Variants in DAB1 observed in about 807,000 individuals in gnomAD.
The protein encoded by DAB1 is disabled homolog 1.
Under a neutral mutation model 64.6 loss-of-function variants are expected in DAB1, and 15 were observed. The observed-to-expected ratio is 0.23, with a 90% CI of 0.16 to 0.36. DAB1 has a LOEUF of 0.36. Among genes scored for constraint, DAB1 ranks in the 10% least tolerant of loss-of-function variants. The pLI, the probability that DAB1 is intolerant of heterozygous loss-of-function variation, is 1.00. For synonymous variants in DAB1, 235 were observed against 251.9 expected (o/e 0.93, Z 0.64); for missense variants, 596 against 706.7 (o/e 0.84, Z 1.78).
At chr1:57,107,238 G>GT (rs1452055152) in intron 4 of DAB1, among the ~76,000 whole-genome samples, 1 of 152,084 alleles carries the variant, frequency 6.6e-6, no homozygotes, top group African/African-American at 2.4e-5. Context: ...AGCTGGGCAT[G>GT]TTGGTGGATG....
intron 2 of DAB1, among the ~76,000 whole-genome samples, chr1:58,510,550 C>T (rs151143020): frequency 4.6e-5 from 7 of 152,194 alleles, no homozygotes; most frequent in African/African-American, 1.4e-4. Context: ...ATTTTTTCCT[C>T]TAAGTCTAGG....
At chr1:57,958,523 T>C (rs1199916666) in intron 5 of DAB1, among the ~76,000 whole-genome samples, 1 of 152,204 alleles carries the variant, frequency 6.6e-6, no homozygotes, top group Non-Finnish European at 1.5e-5. Context: ...CCATCTCACC[T>C]ACCTCTTGAG....
intron 7 of DAB1, among the ~76,000 whole-genome samples, chr1:57,450,735 T>A (rs956495079): frequency 3.3e-5 from 5 of 152,224 alleles, no homozygotes; most frequent in African/African-American, 1.2e-4. Flanking sequence ...TCTTTGTTGA[T>A]CCAATTTCAA....
intron 6 of DAB1, among the ~76,000 whole-genome samples, chr1:57,793,603 G>C (rs1275731366): frequency 6.6e-6 from 1 of 152,128 alleles, no homozygotes; most frequent in African/African-American, 2.4e-5. Context: ...GGCAAGTGTA[G>C]CATGCTGGTT....
chr1:57,896,069 G>A (rs1644387032), intron 5 of DAB1, among the ~76,000 whole-genome samples: 1 of 152,186 alleles, frequency 6.6e-6, no homozygotes, highest in Non-Finnish European at 1.5e-5. Flanking sequence ...CAAGGAAAGT[G>A]CCTGGCACAC....
chr1:58,091,838 T>C (rs1374053268), intron 5 of DAB1, among the ~76,000 whole-genome samples: 1 of 151,796 alleles, frequency 6.6e-6, no homozygotes, highest in Non-Finnish European at 1.5e-5. Context: ...CTTACAGTCA[T>C]CCCTCTCCTC....
intron 1 of DAB1, among the ~76,000 whole-genome samples, chr1:57,296,035 C>T (rs946059012): frequency 4.6e-5 from 7 of 152,112 alleles, no homozygotes; most frequent in African/African-American, 1.7e-4. Flanking sequence ...GCAAGAGCAG[C>T]AGCAAGCAAA....
intron 2 of DAB1, among the ~76,000 whole-genome samples, chr1:58,514,676 CA>C (rs1389274921): frequency 4.6e-5 from 7 of 152,112 alleles, no homozygotes; most frequent in Non-Finnish European, 8.8e-5. Flanking sequence ...AGGATTGTGG[CA>C]GGGGGAGCTG....
At chr1:57,518,822 C>T (rs1644492688) in intron 7 of DAB1, among the ~76,000 whole-genome samples, 1 of 152,198 alleles carries the variant, frequency 6.6e-6, no homozygotes, top group African/African-American at 2.4e-5. Context: ...CCTGCCTGCT[C>T]TTTCCAGAAA....
At chr1:58,465,057 C>T (rs1229938019) in intron 3 of DAB1, among the ~76,000 whole-genome samples, 4 of 152,246 alleles carry the variant, frequency 2.6e-5, no homozygotes, top group African/African-American at 9.6e-5. Context: ...CTTCTGCACA[C>T]ATTCTCAGCC....
intron 1 of DAB1, among the ~76,000 whole-genome samples, chr1:57,418,953 T>C (rs1005669719): frequency 6.6e-6 from 1 of 152,154 alleles, no homozygotes; most frequent in Admixed American, 6.5e-5. Context: ...GAGGGAAATA[T>C]CCAGGTGATT....
intron 7 of DAB1, among the ~76,000 whole-genome samples, chr1:57,564,841 A>C (rs1282393645): frequency 6.6e-6 from 1 of 152,250 alleles, no homozygotes; most frequent in Non-Finnish European, 1.5e-5. Context: ...CCAAGTTGGA[A>C]AACACTCTAC....
At chr1:57,901,190 C>G (rs1644468294) in intron 5 of DAB1, among the ~76,000 whole-genome samples, 1 of 152,126 alleles carries the variant, frequency 6.6e-6, no homozygotes, top group Admixed American at 6.5e-5. Flanking sequence ...AATGACCTTC[C>G]TTCTTGCTTT....
chr1:57,616,295 C>T (rs529795659), intron 7 of DAB1, among the ~76,000 whole-genome samples: 80 of 152,160 alleles, frequency 5.3e-4, no homozygotes, highest in Non-Finnish European at 1.0e-3. Context: ...GTTACCTTCT[C>T]GAGAAGTCTT....
chr1:58,353,855 T>C (rs1371227708), intron 3 of DAB1, among the ~76,000 whole-genome samples: 2 of 152,166 alleles, frequency 1.3e-5, no homozygotes, highest in African/African-American at 4.8e-5. Context: ...TTTAGTTAAG[T>C]AAATTGTCAC....
chr1:57,053,668 A>ATG (rs1557635084), intron 9 of DAB1, among the ~76,000 whole-genome samples: 1 of 77,890 alleles, frequency 1.3e-5, no homozygotes, highest in African/African-American at 5.3e-5. Flanking sequence ...CTCTATATGT[A>ATG]TATATATATA....
In DAB1 at chr1:58,512,745, A is replaced by T. The variant is rs1646100075; in HGVS notation, n.108-6536T>A. 2.6e-5 allele frequency among the ~76,000 whole-genome samples: 4 copies of T among 152,242 alleles called. 1 individual carries two copies. In the South Asian group the frequency reaches 8.3e-4, roughly 32 times the overall value. ...TAGAATAGTGTTTGTCAGGGAGTGG[A>T]AGTAGGAGGAAATGAGGAGTTGCTA... On this transcript the variant is annotated intron_variant and non_coding_transcript_variant, in intron 2 of 20. Coordinates refer to the DAB1 transcript ENST00000485760.
chr1:58,361,866 T>TTTC (rs1365123300), intron 3 of DAB1, among the ~76,000 whole-genome samples: 2 of 83,272 alleles, frequency 2.4e-5, no homozygotes, highest in Non-Finnish European at 5.6e-5. Context: ...GATCCCCCTT[T>TTTC]TTTTTTTTTT....
At chr1:57,932,958 G>A (rs2102039376) in intron 5 of DAB1, among the ~76,000 whole-genome samples, 1 of 152,268 alleles carries the variant, frequency 6.6e-6, no homozygotes, top group Non-Finnish European at 1.5e-5. Context: ...TTTCTTATGA[G>A]GGCAGATCTT....
Sources: gnomAD v4.1 joint callset for allele counts (sites outside exome capture counted in the v4.1 genomes callset) on GRCh38, gnomAD v4.1.1 for gene constraint, MANE v1.5 for transcripts, NCBI Gene and HGNC (gene_info 2026-07-23, HGNC 2026-07-21) for gene names.